ENOX1: variants seen among roughly 807,000 people sequenced by gnomAD.
The protein encoded by ENOX1 is ecto-NOX disulfide-thiol exchanger 1.
In ENOX1, 42 loss-of-function variants were observed where a neutral mutation model predicts 82.5. The ratio of observed to expected loss-of-function variants is 0.51; its 90% CI spans 0.40 to 0.66. The LOEUF is 0.66. ENOX1 is among the 30% of genes least tolerant of loss of function. ENOX1 has a pLI of 0.00. For missense variants in ENOX1, 608 were observed against 811.6 expected, an observed-to-expected ratio of 0.75 and a Z score of 3.05; for synonymous variants, 271 against 282.2, an observed-to-expected ratio of 0.96 and a Z score of 0.40.
intron 5 of ENOX1, among the ~76,000 whole-genome samples, chr13:43,411,296 C>G (rs1013439954): frequency 5.3e-5 from 8 of 152,068 alleles, no homozygotes; most frequent in Non-Finnish European, 1.2e-4. Context: ...CATGTAAAAT[C>G]CTCAGCAAAC....
chr13:43,414,588 G>A (rs1001472701), intron 3 of ENOX1, among the ~76,000 whole-genome samples: 9 of 152,164 alleles, frequency 5.9e-5, no homozygotes, highest in Non-Finnish European at 1.3e-4. Flanking sequence ...ATCTTTCTAC[G>A]ATGAAATCTC....
chr13:43,712,354 A>G (rs375103558), intron 1 of ENOX1, among the ~76,000 whole-genome samples: 120 of 151,396 alleles, frequency 7.9e-4, no homozygotes, highest in Non-Finnish European at 1.6e-3. Flanking sequence ...GTCAGGTAGC[A>G]TGATGCCTCC....
chr13:43,307,528 G>C (rs17556100), intron 11 of ENOX1, among the ~76,000 whole-genome samples: 1 of 152,146 alleles, frequency 6.6e-6, no homozygotes, highest in Non-Finnish European at 1.5e-5. Flanking sequence ...TCTAGTCTTA[G>C]ATTTCTTTCA....
At chr13:43,228,943 T>C (rs754324983) in intron 15 of ENOX1, among the ~76,000 whole-genome samples, 1 of 152,202 alleles carries the variant, frequency 6.6e-6, no homozygotes, top group African/African-American at 2.4e-5. Context: ...AAGCGATTGA[T>C]GTGGTTTGGC....
rs2153612801 is a variant in ENOX1, at chr13:43,429,568, A to G, written c.-74-16580T>C. Reference sequence around the variant, plus strand: ...TTTGTAAATTCCTTTGGTTCAGTAGATCAAATGGGGAAAGACTTGTGTAAT... The same window carrying G: ...TTTGTAAATTCCTTTGGTTCAGTAGGTCAAATGGGGAAAGACTTGTGTAAT... On this transcript the variant is annotated intron_variant, in intron 3 of 16. Transcript: ENST00000690772. Among the ~76,000 whole-genome samples the G allele has an allele frequency of 2.0e-5, 3 of 152,312 alleles. No homozygotes were observed. The Middle Eastern group carries it at 0.01, about 518-fold the overall frequency.
chr13:43,470,410 A>ACGTATATATATACG (rs1566308954), intron 3 of ENOX1, among the ~76,000 whole-genome samples: 2 of 132,150 alleles, frequency 1.5e-5, no homozygotes, highest in African/African-American at 5.6e-5. Context: ...GTATATATAT[A>ACGTATATATATACG]TATATATAAC....
chr13:43,374,366 C>T (rs1159343536), intron 5 of ENOX1, among the ~76,000 whole-genome samples: 1 of 151,968 alleles, frequency 6.6e-6, no homozygotes, highest in East Asian at 1.9e-4. Flanking sequence ...CTGCCTCAGC[C>T]TCCCAAATAG....
intron 5 of ENOX1, among the ~76,000 whole-genome samples, chr13:43,382,138 A>G (rs1044926131): frequency 6.6e-6 from 1 of 152,154 alleles, no homozygotes; most frequent in Non-Finnish European, 1.5e-5. Context: ...AATTGAATAT[A>G]GTATAATGAA....
chr13:43,741,779 C>T (rs1005789786), intron 1 of ENOX1, among the ~76,000 whole-genome samples: 3 of 152,232 alleles, frequency 2.0e-5, no homozygotes, highest in Admixed American at 6.5e-5. Flanking sequence ...TGCTGTTGCT[C>T]GTGCTTTTAG....
At chr13:43,320,530 C>T (rs946642963) in intron 11 of ENOX1, among the ~76,000 whole-genome samples, 6 of 152,154 alleles carry the variant, frequency 3.9e-5, no homozygotes, top group Admixed American at 1.3e-4. Flanking sequence ...TAAGCATGTA[C>T]GTGCCGCAAG....
At chr13:43,282,142 T>C (rs1228662954) in intron 12 of ENOX1, among the ~76,000 whole-genome samples, 1 of 152,208 alleles carries the variant, frequency 6.6e-6, no homozygotes, top group Non-Finnish European at 1.5e-5. Flanking sequence ...TCAAAATGTT[T>C]GTATTATTCT....
intron 2 of ENOX1, among the ~76,000 whole-genome samples, chr13:43,537,784 A>G (rs1249736653): frequency 6.6e-6 from 1 of 152,198 alleles, no homozygotes; most frequent in African/African-American, 2.4e-5. Flanking sequence ...ACAGACAGAG[A>G]ACATTACCTA....
intron 1 of ENOX1, among the ~76,000 whole-genome samples, chr13:43,676,319 A>C (rs926030461): frequency 6.6e-6 from 1 of 152,118 alleles, no homozygotes; most frequent in African/African-American, 2.4e-5. Context: ...CCACTAAAAT[A>C]AGTCAGATCA....
Position 43,483,910 on chromosome 13 carries a change from CCA to C in ENOX1, c.-75+97_-75+98del, listed in dbSNP as rs958138716. On this transcript the variant is annotated intron_variant, in intron 3 of 16. Transcript: ENST00000690772. The stretch of plus-strand genomic sequence containing the variant: ...ATGAAAATCTGTTTAAAATCTACCC[CCA>C]GAGTTCTAATTGAAATAGAGTACAA... 7.9e-6 allele frequency: 5 copies of C among 632,572 alleles called. No individual in the cohort carries two copies. In the African/African-American group the frequency reaches 9.9e-5, roughly 13 times the overall value. The allele number at this position is 632,572 out of a possible 1,614,324, so 39.2% of individuals were successfully genotyped here.
intron 1 of ENOX1, among the ~76,000 whole-genome samples, chr13:43,733,498 C>T (rs892432256): frequency 6.6e-6 from 1 of 152,154 alleles, no homozygotes; most frequent in African/African-American, 2.4e-5. Flanking sequence ...TCGTATGAGG[C>T]GATTTATCCT....
chr13:43,361,035 C>T (rs1197783435), intron 6 of ENOX1, among the ~76,000 whole-genome samples: 1 of 152,290 alleles, frequency 6.6e-6, no homozygotes, highest in South Asian at 2.1e-4. Flanking sequence ...AAAGTCTTAA[C>T]GCTGGATACA....
intron 1 of ENOX1, among the ~76,000 whole-genome samples, chr13:43,729,130 G>A (rs1162841877): frequency 6.6e-6 from 1 of 152,110 alleles, no homozygotes; most frequent in Admixed American, 6.6e-5. Context: ...GTGAGAAAGT[G>A]GCAGAATATG....
chr13:43,466,176 G>T (rs1204197508), intron 3 of ENOX1, among the ~76,000 whole-genome samples: 1 of 149,850 alleles, frequency 6.7e-6, no homozygotes, highest in African/African-American at 2.5e-5. Flanking sequence ...TTTGATACCA[G>T]GTATAAGACA....
At chr13:43,340,574 T>C (rs1328733267) in intron 9 of ENOX1, among the ~76,000 whole-genome samples, 1 of 152,244 alleles carries the variant, frequency 6.6e-6, no homozygotes, top group Non-Finnish European at 1.5e-5. Context: ...AAATTTCTGA[T>C]GATTCTTTCA....
Sources: allele counts gnomAD v4.1 joint callset (sites outside exome capture counted in the v4.1 genomes callset), GRCh38; gene constraint gnomAD v4.1.1; transcripts MANE v1.5; gene names NCBI Gene and HGNC (gene_info 2026-07-23, HGNC 2026-07-21).